Variants in HECTD4 observed in about 807,000 individuals in gnomAD.
The protein encoded by HECTD4 is HECT domain E3 ubiquitin protein ligase 4, also known as probable E3 ubiquitin-protein ligase HECTD4.
In HECTD4, 114 loss-of-function variants were observed where a neutral mutation model predicts 471.5. The observed-to-expected ratio is 0.24, with a 90% CI of 0.21 to 0.28. HECTD4 has a LOEUF of 0.28. HECTD4 is among the 10% of genes least tolerant of loss of function. HECTD4 has a pLI of 1.00. For synonymous variants in HECTD4, 2,012 were observed against 2,256.0 expected, an observed-to-expected ratio of 0.89 and a Z score of 3.07; for missense variants, 3,866 against 5,651.5, an observed-to-expected ratio of 0.68 and a Z score of 10.13.
chr12:112,305,284 C>T (rs1461202380), intron 7 of HECTD4, among the ~76,000 whole-genome samples: 5 of 152,012 alleles, frequency 3.3e-5, no homozygotes, highest in Admixed American at 6.5e-5. Context: ...TCTAAAGCGC[C>T]GTGGCTCCCA....
intron 1 of HECTD4, among the ~76,000 whole-genome samples, chr12:112,366,591 T>TA (rs869297514): frequency 3.3e-5 from 5 of 150,304 alleles, no homozygotes; most frequent in South Asian, 2.1e-4. Context: ...ATTTCAACAT[T>TA]AAAAAAAAGA....
chr12:112,278,032 G>C (rs2034562723), intron 9 of HECTD4, among the ~76,000 whole-genome samples: 1 of 152,082 alleles, frequency 6.6e-6, no homozygotes, highest in Non-Finnish European at 1.5e-5. Flanking sequence ...ATAATAAGTG[G>C]TATTTTGCTA....
At chr12:112,212,268 G>A (rs2032786154) in intron 49 of HECTD4, among the ~76,000 whole-genome samples, 1 of 152,214 alleles carries the variant, frequency 6.6e-6, no homozygotes, top group South Asian at 2.1e-4. Context: ...TCAAGGCAAT[G>A]AAGCACTAAG....
rs1007800214 is a variant in HECTD4, at chr12:112,162,679, G to A, written c.13121-156C>T. 39 of 823,380 alleles carry A rather than the reference G, an allele frequency of 4.7e-5. No homozygotes were observed. The highest frequency in any genetic ancestry group is 2.7e-5 in the Admixed American group (1 of 36,522). The allele number at this position is 823,380 out of a possible 1,614,324, so 51.0% of individuals were successfully genotyped here. On this transcript the variant is annotated intron_variant, in intron 75 of 75. Coordinates refer to ENST00000682272, the MANE Select transcript of HECTD4 (RefSeq NM_001388303.1). The surrounding 1 kb of genome is among the most constrained non-coding windows in gnomAD (Gnocchi z 5.2). ...GGGGGATGAGGGCCTGGGAACCTGC[G>A]AGATGTTCTTGGAGGGAAAAGGGGA...
intron 18 of HECTD4, 49 bp downstream of exon 18, chr12:112,261,256 C>A: frequency 6.7e-7 from 1 of 1,487,048 alleles, no homozygotes; most frequent in African/African-American, 1.4e-5. Context: ...AATAAACAAA[C>A]TTTTCTTCCC....
chr12:112,267,111 C>A, intron 13 of HECTD4, 129 bp from the exon 14 acceptor site: 1 of 626,154 alleles, frequency 1.6e-6, no homozygotes, highest in East Asian at 2.9e-5. Context: ...ACATCTGTCA[C>A]CCCATTGATC....
chr12:112,268,374 CT>C (rs939431280), intron 13 of HECTD4, among the ~76,000 whole-genome samples: 22 of 152,344 alleles, frequency 1.4e-4, no homozygotes, highest in African/African-American at 5.3e-4. Flanking sequence ...ATGCTCACCC[CT>C]GTCATACAGA....
chr12:112,326,936 T>C (rs887569585), intron 1 of HECTD4, among the ~76,000 whole-genome samples: 2 of 152,188 alleles, frequency 1.3e-5, no homozygotes, highest in African/African-American at 4.8e-5. Flanking sequence ...TAGGAATTTG[T>C]CCTAAAGCAA....
chr12:112,317,953 T>A (rs578241617), intron 2 of HECTD4, among the ~76,000 whole-genome samples: 106 of 72,908 alleles, frequency 1.5e-3, no homozygotes, highest in Non-Finnish European at 1.9e-3. Context: ...CAAGACCCCA[T>A]CTCAAAAAAA....
chr12:112,323,094 T>C, intron 1 of HECTD4: 1 of 209,610 alleles, frequency 4.8e-6, no homozygotes, highest in Non-Finnish European at 9.4e-6. Context: ...AGAGCAAGTG[T>C]TGGCTGGGCG....
intron 1 of HECTD4, among the ~76,000 whole-genome samples, chr12:112,358,707 T>A (rs912573091): frequency 1.8e-4 from 28 of 152,064 alleles, no homozygotes; most frequent in African/African-American, 6.8e-4. Context: ...AAAACATGTA[T>A]CAAGAAAATT....
rs186760540 is a variant in HECTD4, at chr12:112,303,702, T to G, written c.1335+2362A>C. Among the ~76,000 whole-genome samples the G allele has an allele frequency of 1.1e-3, 164 of 151,366 alleles. 1 individual carries two copies. The highest frequency in any genetic ancestry group is 3.8e-3 in the African/African-American group (158 of 41,216). On this transcript the variant is annotated intron_variant, in intron 7 of 75. Coordinates refer to ENST00000682272, the MANE Select transcript of HECTD4 (RefSeq NM_001388303.1). ...CTGTCTCTACAAAAAAACACAAAAA[T>G]TAGCTGGGTGTGGTCATGCACGCCT...
intron 1 of HECTD4, among the ~76,000 whole-genome samples, chr12:112,321,315 G>C (rs545561168): frequency 6.6e-6 from 1 of 152,272 alleles, no homozygotes; most frequent in African/African-American, 2.4e-5. Context: ...GCTAAGAAAG[G>C]AACCAGCTCT....
At chr12:112,167,239 G>C in intron 72 of HECTD4, 78 bp downstream of exon 72, 2 of 1,293,906 alleles carry the variant, frequency 1.5e-6, no homozygotes, top group Non-Finnish European at 2.2e-6. Context: ...GGGGAGCTCG[G>C]GTCTGCATGG....
chr12:112,207,863 A>C lies in HECTD4; in HGVS notation c.8131+11T>G. 1 of 1,612,970 alleles carries C rather than the reference A, an allele frequency of 6.2e-7. No homozygotes were observed. Among genetic ancestry groups the C allele is most frequent in the Non-Finnish European group, 8.5e-7 (1 of 1,179,326 alleles). On this transcript the variant is annotated intron_variant, in intron 52 of 75. Transcript: ENST00000682272. The stretch of plus-strand genomic sequence containing the variant: ...GAAGTAACCTCCTTAGCAGAACAAA[A>C]AGTACCAGACCTAGTTGTAAGGCCC...
intron 44 of HECTD4, among the ~76,000 whole-genome samples, chr12:112,225,327 CAAAAA>C (rs201230586): frequency 3.3e-5 from 2 of 61,308 alleles, no homozygotes; most frequent in South Asian, 4.7e-4. Context: ...TTTAAAAGAC[CAAAAA>C]AAAAAAAAAA....
intron 1 of HECTD4, among the ~76,000 whole-genome samples, chr12:112,372,298 C>A (rs971415884): frequency 6.6e-6 from 1 of 151,748 alleles, no homozygotes; most frequent in African/African-American, 2.4e-5. Flanking sequence ...CTCGCTTTGT[C>A]GCCCAGTCTG....
chr12:112,207,965 C>G lies in HECTD4; in HGVS notation c.8040G>C (p.Glu2680Asp). 2.5e-6 allele frequency: 4 copies of G among 1,613,702 alleles called. No individual in the cohort carries two copies. The highest frequency in any genetic ancestry group is 3.4e-6 in the Non-Finnish European group (4 of 1,179,794). Residue 2680 changes from glutamate to aspartate, a missense_variant, in exon 52 of 76, where the codon GAG becomes GAC. Glu to Asp is a conservative substitution (Grantham distance 45). Transcript: ENST00000682272. The part of the protein sequence containing the change: ...DHYALLVKAW[E>D]TKVFPTIRRR... ...TTCGGATGGTAGGAAAAACCTTGGT[C>G]TCCCATGCTTTCACCAGCAGGGCGT... is the stretch of plus-strand genomic sequence containing the variant.
chr12:112,225,655 A>C (rs952927765), intron 44 of HECTD4, among the ~76,000 whole-genome samples: 3 of 151,706 alleles, frequency 2.0e-5, no homozygotes, highest in Admixed American at 2.0e-4. Context: ...AGGAATCTAT[A>C]TTTTAAAATA....
Sources: gnomAD v4.1 joint callset for allele counts (sites outside exome capture counted in the v4.1 genomes callset) on GRCh38, gnomAD v4.1.1 for gene constraint, Gnocchi (gnomAD v3.1) non-coding constraint, MANE v1.5 for transcripts, NCBI Gene and HGNC (gene_info 2026-07-23, HGNC 2026-07-21) for gene names.